The following SORCS1 variants were observed in gnomAD, a reference collection of about 807,000 sequenced individuals.
SORCS1 encodes sortilin related VPS10 domain containing receptor 1.
In SORCS1, 60 loss-of-function variants were observed where a neutral mutation model predicts 146.1. The ratio of observed to expected loss-of-function variants is 0.41; its 90% CI spans 0.33 to 0.51. The LOEUF (loss-of-function observed/expected upper bound fraction) is 0.51. Among genes scored for constraint, SORCS1 ranks in the 20% least tolerant of loss-of-function variants. The pLI is 0.21. For missense variants in SORCS1, 1,352 were observed against 1,487.6 expected, an observed-to-expected ratio of 0.91 and a Z score of 1.50; for synonymous variants, 637 against 584.0, an observed-to-expected ratio of 1.09 and a Z score of -1.31.
chr10:107,085,801 T>A (rs998775582), intron 1 of SORCS1, among the ~76,000 whole-genome samples: 1 of 152,190 alleles, frequency 6.6e-6, no homozygotes, highest in Non-Finnish European at 1.5e-5. Flanking sequence ...ACAATGATTT[T>A]CTCAAGAAGA....
chr10:107,003,546 A>C (rs907203648), intron 1 of SORCS1, among the ~76,000 whole-genome samples: 1 of 151,892 alleles, frequency 6.6e-6, no homozygotes, highest in Non-Finnish European at 1.5e-5. Flanking sequence ...TAAGGGCCTA[A>C]GGCAGAATAT....
chr10:107,002,342 G>A (rs1403451266), intron 1 of SORCS1, among the ~76,000 whole-genome samples: 1 of 152,128 alleles, frequency 6.6e-6, no homozygotes, highest in African/African-American at 2.4e-5. Flanking sequence ...AATAATTATG[G>A]AATGAGTGAA....
intron 18 of SORCS1, among the ~76,000 whole-genome samples, chr10:106,649,455 T>C (rs1006699395): frequency 5.3e-5 from 8 of 152,234 alleles, no homozygotes; most frequent in Admixed American, 3.9e-4. Context: ...TCTATTATTG[T>C]TTATCTAAAA....
At chr10:106,609,899 G>A (rs1846860141) in intron 22 of SORCS1, among the ~76,000 whole-genome samples, 1 of 152,162 alleles carries the variant, frequency 6.6e-6, no homozygotes, top group African/African-American at 2.4e-5. Flanking sequence ...GACAGATAGA[G>A]GACCTATGGG....
intron 3 of SORCS1, among the ~76,000 whole-genome samples, chr10:106,779,435 AGTTAAACCATGTTT>A (rs1219481052): frequency 6.6e-6 from 1 of 152,192 alleles, no homozygotes; most frequent in East Asian, 1.9e-4. Flanking sequence ...TATCATTGCA[AGTTAAACCATGTTT>A]GTGTTTCTTT....
intron 17 of SORCS1, among the ~76,000 whole-genome samples, chr10:106,662,605 T>A (rs759661111): frequency 6.6e-6 from 1 of 152,192 alleles, no homozygotes; most frequent in South Asian, 2.1e-4. Flanking sequence ...GAGGTGACCA[T>A]GGATGGCTTA....
rs990304369 is a variant in SORCS1, at chr10:107,060,430, T to C, written c.558+103539A>G. On this transcript the variant is annotated intron_variant, in intron 1 of 25. Transcript: ENST00000263054. The surrounding 1 kb of genome is among the most constrained non-coding windows in gnomAD (Gnocchi z 4.1). ...AAATTTCTTTGCTGTAATTTTTTAT[T>C]GTCATGTACTTAGTGAAGCCTCAGA... 6.6e-6 allele frequency among the ~76,000 whole-genome samples: 1 copy of C among 152,108 alleles called. No homozygotes were observed. Among genetic ancestry groups the C allele is most frequent in the Admixed American group, 6.5e-5 (1 of 15,270 alleles).
intron 18 of SORCS1, among the ~76,000 whole-genome samples, chr10:106,637,790 C>T (rs762728411): frequency 2.6e-5 from 4 of 152,184 alleles, no homozygotes; most frequent in Admixed American, 2.6e-4. Context: ...ACTTGCCTAA[C>T]TAAATACCCA....
chr10:106,620,278 G>C, intron 20 of SORCS1, 150 bp downstream of exon 20: 1 of 881,010 alleles, frequency 1.1e-6, no homozygotes. Context: ...ACATAATGAT[G>C]AGATACTTGA....
the SORCS1 span, among the ~76,000 whole-genome samples, chr10:107,170,245 G>A: frequency 3.9e-5 from 6 of 152,072 alleles, no homozygotes; most frequent in Non-Finnish European, 7.4e-5. Flanking sequence ...ACTAAATCAC[G>A]AAACCAACTT....
intron 2 of SORCS1, among the ~76,000 whole-genome samples, chr10:106,830,178 T>C (rs1048010631): frequency 7.2e-5 from 11 of 152,338 alleles, no homozygotes; most frequent in East Asian, 5.8e-4. Flanking sequence ...CAATAATCAG[T>C]GAGATTTCAT....
chr10:106,640,513 T>G (rs947023600), intron 18 of SORCS1, among the ~76,000 whole-genome samples: 3 of 152,256 alleles, frequency 2.0e-5, no homozygotes, highest in Non-Finnish European at 4.4e-5. Context: ...CATCTCTTTA[T>G]TCTTACAGCT....
At position 106,576,976 on chromosome 10, in the gene SORCS1, A is replaced by C. The variant is rs944786801; in HGVS notation, c.*444T>G. On this transcript the variant is annotated 3_prime_UTR_variant, in exon 26 of 26. Coordinates refer to ENST00000263054, the MANE Select transcript of SORCS1 (RefSeq NM_052918.5). ...ACGACCGATCAGAAAAAAGAGAGAG[A>C]AGAAGAAAGAGGGAGAGGGGAGTGT... 1.9e-5 allele frequency: 5 copies of C among 257,580 alleles called. No homozygotes were observed. Among genetic ancestry groups the C allele is most frequent in the African/African-American group, 1.1e-4 (5 of 43,760 alleles). 16.0% of individuals were successfully genotyped at this position (257,580 alleles called of 1,614,324 possible). A position where few individuals can be genotyped will look rare whatever the true frequency, so the allele number is the denominator to read the frequency against.
intron 1 of SORCS1, among the ~76,000 whole-genome samples, chr10:107,137,233 A>G (rs891194890): frequency 6.6e-6 from 1 of 152,210 alleles, no homozygotes; most frequent in Admixed American, 6.5e-5. Flanking sequence ...TTATGTAGGC[A>G]CTGGATGACA....
intron 2 of SORCS1, among the ~76,000 whole-genome samples, chr10:106,885,186 A>C (rs1950948147): frequency 6.6e-6 from 1 of 152,034 alleles, no homozygotes; most frequent in Non-Finnish European, 1.5e-5. Context: ...GTGCTACAAT[A>C]ATCATATAAT....
intron 21 of SORCS1, among the ~76,000 whole-genome samples, chr10:106,617,159 TG>T (rs1847424556): frequency 6.6e-6 from 1 of 152,026 alleles, no homozygotes; most frequent in Non-Finnish European, 1.5e-5. Context: ...TTCACCATGT[TG>T]GTCAGGCTGG....
At chr10:107,067,828 T>C (rs1962026966) in intron 1 of SORCS1, among the ~76,000 whole-genome samples, 2 of 152,186 alleles carry the variant, frequency 1.3e-5, no homozygotes, top group Admixed American at 1.3e-4. Flanking sequence ...CGTGAATTGT[T>C]GTGAGGATTA....
chr10:107,162,429 C>G (rs1242472940), intron 1 of SORCS1, among the ~76,000 whole-genome samples: 1 of 152,090 alleles, frequency 6.6e-6, no homozygotes, highest in African/African-American at 2.4e-5. Flanking sequence ...ATTTTAGTGG[C>G]TATGATATGA....
chr10:106,967,427 A>G (rs772770040), intron 1 of SORCS1, among the ~76,000 whole-genome samples: 2 of 152,198 alleles, frequency 1.3e-5, no homozygotes, highest in African/African-American at 2.4e-5. Flanking sequence ...AGCTGCACCA[A>G]TGTAATCCCA....
Sources: allele counts gnomAD v4.1 joint callset (sites outside exome capture counted in the v4.1 genomes callset), GRCh38; gene constraint gnomAD v4.1.1; non-coding constraint Gnocchi (gnomAD v3.1); transcripts MANE v1.5; gene names NCBI Gene and HGNC (gene_info 2026-07-23, HGNC 2026-07-21).